GPM6B: variants seen among roughly 807,000 people sequenced by gnomAD.
The protein encoded by GPM6B is glycoprotein M6B.
A neutral mutation model predicts 27.2 loss-of-function variants in GPM6B; 4 were observed. That is an observed-to-expected ratio of 0.15 (90% CI 0.07 to 0.34). GPM6B has a LOEUF of 0.34. Ranked by LOEUF, GPM6B falls within the 10% of genes least tolerant of loss-of-function variation. The pLI is 1.00. For missense variants in GPM6B, 183 were observed against 261.9 expected (o/e 0.70, Z 2.08); for synonymous variants, 124 against 103.1 (o/e 1.20, Z -1.23).
At chrX:13,883,867 T>A (rs779663286) in intron 1 of GPM6B, among the ~76,000 whole-genome samples, 8 of 105,731 alleles carry the variant, frequency 7.6e-5, no homozygotes, top group African/African-American at 2.8e-4. Context: ...AAAAAAAAAA[T>A]TTTAAACATA....
intron 1 of GPM6B, among the ~76,000 whole-genome samples, chrX:13,868,052 C>T (rs1014092705): frequency 7.2e-5 from 8 of 111,732 alleles, no homozygotes; most frequent in African/African-American, 2.6e-4. Context: ...GTATCTAGCA[C>T]GGTGCCTCTT....
chrX:13,771,574 CTT>C lies in GPM6B; in HGVS notation c.*1305_*1306del, dbSNP rs1224669622. ...GAAACAGCCAAACCACAAGTTAACTCTTAACAATGAATATACATAGTTAACCC... is the reference window on the plus strand; with the variant it reads ...GAAACAGCCAAACCACAAGTTAACTCAACAATGAATATACATAGTTAACCC... On this transcript the variant is annotated 3_prime_UTR_variant, in exon 8 of 8. Transcript: ENST00000316715. 1 of 111,895 alleles carries C rather than the reference CTT, an allele frequency of 8.9e-6. No homozygotes were observed. The highest frequency in any genetic ancestry group is 9.5e-5 in the Admixed American group (1 of 10,487). 9.2% of individuals were successfully genotyped at this position (111,895 alleles called of 1,213,427 possible).
intron 2 of GPM6B, among the ~76,000 whole-genome samples, chrX:13,794,320 G>A (rs779633798): frequency 1.8e-5 from 2 of 111,056 alleles, no homozygotes; most frequent in South Asian, 7.7e-4. Flanking sequence ...AAATAGCTGG[G>A]ACTACAGGAA....
intron 1 of GPM6B, among the ~76,000 whole-genome samples, chrX:13,815,340 C>T (rs2049214254): frequency 9.0e-6 from 1 of 111,610 alleles, no homozygotes; most frequent in African/African-American, 3.2e-5. Context: ...TATCATACCC[C>T]GACAACATGC....
At chrX:13,871,190 C>A (rs1207768197) in intron 1 of GPM6B, among the ~76,000 whole-genome samples, 1 of 112,371 alleles carries the variant, frequency 8.9e-6, no homozygotes, top group African/African-American at 3.2e-5. Context: ...GATACAGAGA[C>A]TCTATTAGGG....
intron 1 of GPM6B, among the ~76,000 whole-genome samples, chrX:13,921,075 TTA>T (rs1483686325): frequency 8.9e-6 from 1 of 112,096 alleles, no homozygotes; most frequent in Admixed American, 9.5e-5. Context: ...CTATCATCAT[TTA>T]TGTTTCATTA....
intron 1 of GPM6B, among the ~76,000 whole-genome samples, chrX:13,896,947 TTAAA>T (rs200411778): frequency 0.017 from 1,955 of 112,194 alleles, 48 homozygotes; most frequent in African/African-American, 0.06. Context: ...GTTTTAAAAA[TTAAA>T]TAAGAGAAAT....
At chrX:13,859,801 G>A (rs1342299126) in intron 1 of GPM6B, among the ~76,000 whole-genome samples, 3 of 110,772 alleles carry the variant, frequency 2.7e-5, no homozygotes, top group African/African-American at 9.8e-5. Context: ...AATAGCAAAT[G>A]TTCAATAAAT....
At chrX:13,783,215 T>C in intron 4 of GPM6B, 150 bp downstream of exon 4, 1 of 437,010 alleles carries the variant, frequency 2.3e-6, no homozygotes, top group Non-Finnish European at 3.9e-6. Flanking sequence ...GTTTTTATAG[T>C]CCTAACTCTA....
intron 1 of GPM6B, among the ~76,000 whole-genome samples, chrX:13,865,037 C>A (rs1044460579): frequency 8.9e-6 from 1 of 111,927 alleles, no homozygotes; most frequent in Non-Finnish European, 1.9e-5. Flanking sequence ...TCTTTCTTAT[C>A]TTATTGTTCT....
At chrX:13,855,028 T>G (rs745792893) in intron 1 of GPM6B, among the ~76,000 whole-genome samples, 4 of 64,104 alleles carry the variant, frequency 6.2e-5, no homozygotes, top group Non-Finnish European at 3.0e-5. Flanking sequence ...CCACTCCCCT[T>G]TTTTTTTTGA....
chrX:13,824,005 T>C (rs1189538894), intron 1 of GPM6B, among the ~76,000 whole-genome samples: 1 of 112,260 alleles, frequency 8.9e-6, no homozygotes, highest in African/African-American at 3.2e-5. Context: ...GTCTACTGCA[T>C]CTGTCTGTCC....
intron 1 of GPM6B, among the ~76,000 whole-genome samples, chrX:13,880,188 C>G (rs1009459032): frequency 9.0e-6 from 1 of 111,636 alleles, no homozygotes; most frequent in Non-Finnish European, 1.9e-5. Context: ...AAAGGTCTCT[C>G]TACTCTCCTA....
chrX:13,822,450 C>A (rs1210288875), intron 1 of GPM6B, among the ~76,000 whole-genome samples: 1 of 110,909 alleles, frequency 9.0e-6, no homozygotes, highest in Admixed American at 9.5e-5. Flanking sequence ...ACTGTAACCT[C>A]TGCCTCCCAG....
intron 1 of GPM6B, among the ~76,000 whole-genome samples, chrX:13,863,332 T>A (rs73633582): frequency 9.0e-6 from 1 of 111,039 alleles, no homozygotes; most frequent in Non-Finnish European, 1.9e-5. Flanking sequence ...GAAAAAAAAT[T>A]TACTGAGCTG....
At chrX:13,804,629 C>T (rs1156873248) in intron 2 of GPM6B, among the ~76,000 whole-genome samples, 1 of 110,628 alleles carries the variant, frequency 9.0e-6, no homozygotes, top group African/African-American at 3.3e-5. Flanking sequence ...CCTGGAACCG[C>T]CATGACCTTT....
Position 13,772,118 on chromosome X carries a change from T to TA in GPM6B, c.*762dup, listed in dbSNP as rs2048310882. 8.9e-6 allele frequency: 1 copy of TA among 112,543 alleles called. No homozygotes were observed. Among genetic ancestry groups the TA allele is most frequent in the African/African-American group, 3.2e-5 (1 of 30,902 alleles). The allele number at this position is 112,543 out of a possible 1,213,427, so 9.3% of individuals were successfully genotyped here. A position where few individuals can be genotyped will look rare whatever the true frequency, so the allele number is the denominator to read the frequency against. On this transcript the variant is annotated 3_prime_UTR_variant, in exon 8 of 8. Coordinates refer to ENST00000316715, the MANE Select transcript of GPM6B (RefSeq NM_001001995.3). ...TTAGAAATTTAAAGCAAATACTCAT[T>TA]AAGGCAAAGCTGACATTTCTCAAGA...
chrX:13,861,384 C>T lies in GPM6B; in HGVS notation c.-197-75576G>A, dbSNP rs1020055037. ...ACTTTTAGTTCTTTAAGCAATCTCC[C>T]CACTATTTCTATAGTGGTTGTACTA... On this transcript the variant is annotated intron_variant, in intron 1 of 6. Transcript: ENST00000398361. Among the ~76,000 whole-genome samples, 3 of 111,178 alleles carry T rather than the reference C, an allele frequency of 2.7e-5. No homozygotes were observed. In the Admixed American group the frequency reaches 2.9e-4, roughly 11 times the overall value.
intron 1 of GPM6B, among the ~76,000 whole-genome samples, chrX:13,916,662 A>AGT (rs2050431427): frequency 2.8e-5 from 1 of 35,979 alleles, no homozygotes; most frequent in Non-Finnish European, 6.5e-5. Context: ...TTAGTTTATT[A>AGT]ATGTGTGTGT....
Sources: gnomAD v4.1 joint callset for allele counts (sites outside exome capture counted in the v4.1 genomes callset) on GRCh38, gnomAD v4.1.1 for gene constraint, MANE v1.5 for transcripts, NCBI Gene and HGNC (gene_info 2026-07-23, HGNC 2026-07-21) for gene names.